BLVRA: variants seen among roughly 807,000 people sequenced by gnomAD.
The protein encoded by BLVRA is biliverdin reductase A, also known as BVR A.
A neutral mutation model predicts 32.8 loss-of-function variants in BLVRA; 22 were observed. The ratio of observed to expected loss-of-function variants is 0.67; its 90% CI spans 0.48 to 0.96. BLVRA has a LOEUF of 0.96. BLVRA is among the 40% of genes least tolerant of loss of function. The pLI, the probability that BLVRA is intolerant of heterozygous loss-of-function variation, is 0.00. For synonymous variants in BLVRA, 119 were observed against 141.3 expected, an observed-to-expected ratio of 0.84 and a Z score of 1.12; for missense variants, 323 against 358.1, an observed-to-expected ratio of 0.90 and a Z score of 0.79.
intron 5 of BLVRA, among the ~76,000 whole-genome samples, chr7:43,793,536 C>A (rs995745343): frequency 2.6e-5 from 4 of 152,156 alleles, no homozygotes; most frequent in Admixed American, 6.5e-5. Context: ...GCCCTGTCAG[C>A]CCAGCACTTT....
At chr7:43,782,309 G>T (rs1460554813) in intron 2 of BLVRA, among the ~76,000 whole-genome samples, 1 of 152,206 alleles carries the variant, frequency 6.6e-6, no homozygotes. Flanking sequence ...CCAGAGGCTG[G>T]CTGGAGGGAG....
At chr7:43,791,604 T>A in intron 4 of BLVRA, 1 of 512,804 alleles carries the variant, frequency 2.0e-6, no homozygotes, top group Non-Finnish European at 3.5e-6. Context: ...TTTGAAACAT[T>A]AGAAACATTC....
chr7:43,775,926 G>C (rs1270197161), intron 2 of BLVRA, among the ~76,000 whole-genome samples: 7 of 151,916 alleles, frequency 4.6e-5, no homozygotes, highest in African/African-American at 1.7e-4. Flanking sequence ...GTTTATTTGC[G>C]TAGAGGTGTT....
chr7:43,793,079 T>C (rs559055183), intron 5 of BLVRA, among the ~76,000 whole-genome samples: 1 of 152,352 alleles, frequency 6.6e-6, no homozygotes, highest in African/African-American at 2.4e-5. Context: ...CCTATGCTTA[T>C]GTCATGATAT....
At chr7:43,803,643 C>G in intron 6 of BLVRA, 33 bp from the exon 7 acceptor site, 2 of 1,435,458 alleles carry the variant, frequency 1.4e-6, no homozygotes, top group African/African-American at 2.9e-5. Flanking sequence ...ATTCCTGCTT[C>G]CCAGTTCCCA....
chr7:43,789,698 G>A (rs2095783081), intron 3 of BLVRA, among the ~76,000 whole-genome samples: 1 of 152,130 alleles, frequency 6.6e-6, no homozygotes, highest in Non-Finnish European at 1.5e-5. Flanking sequence ...CTGCATGACA[G>A]CCCTGCCAGT....
At chr7:43,777,654 G>C (rs1197362013) in intron 2 of BLVRA, among the ~76,000 whole-genome samples, 1 of 152,056 alleles carries the variant, frequency 6.6e-6, no homozygotes, top group Non-Finnish European at 1.5e-5. Flanking sequence ...TATCTTTGTG[G>C]TGTTCTCTGT....
intron 6 of BLVRA, among the ~76,000 whole-genome samples, chr7:43,803,309 TTGTGTGTGTG>T (rs34404101): frequency 1.3e-5 from 2 of 149,148 alleles, no homozygotes; most frequent in Admixed American, 1.4e-4. Context: ...TAGGTATGTG[TTGTGTGTGTG>T]TGTGTGTGTA....
At chr7:43,769,240 A>T (rs913340717) in intron 1 of BLVRA, among the ~76,000 whole-genome samples, 3 of 151,934 alleles carry the variant, frequency 2.0e-5, no homozygotes, top group Non-Finnish European at 4.4e-5. Context: ...ATGTTGCCCA[A>T]GCTGGTCTCG....
chr7:43,777,638 G>A (rs1294690541), intron 2 of BLVRA, among the ~76,000 whole-genome samples: 7 of 152,008 alleles, frequency 4.6e-5, no homozygotes, highest in Non-Finnish European at 5.9e-5. Context: ...TGCTTTTCTC[G>A]AGGAGTATCT....
At chr7:43,790,657 T>G (rs563156984) in intron 3 of BLVRA, among the ~76,000 whole-genome samples, 1 of 152,194 alleles carries the variant, frequency 6.6e-6, no homozygotes, top group South Asian at 2.1e-4. Flanking sequence ...GAGATAAAAG[T>G]AGATTGTTCC....
intron 6 of BLVRA, among the ~76,000 whole-genome samples, chr7:43,803,286 ATATATG>A (rs1268117432): frequency 6.9e-6 from 1 of 145,140 alleles, no homozygotes; most frequent in East Asian, 2.0e-4. Context: ...GAGGATATAT[ATATATG>A]TATATGTAGG....
chr7:43,803,072 T>C (rs2095800486), intron 6 of BLVRA, among the ~76,000 whole-genome samples: 1 of 152,188 alleles, frequency 6.6e-6, no homozygotes, highest in African/African-American at 2.4e-5. Context: ...TTCACAAGAT[T>C]AGGAAGACTA....
At chr7:43,797,142 A>AC (rs2095793712) in intron 5 of BLVRA, among the ~76,000 whole-genome samples, 1 of 152,150 alleles carries the variant, frequency 6.6e-6, no homozygotes, top group Non-Finnish European at 1.5e-5. Context: ...TCGCCCTGTT[A>AC]CCTAGGCTTG....
At chr7:43,805,204 G>A (rs1021602930) in intron 7 of BLVRA, among the ~76,000 whole-genome samples, 9 of 152,154 alleles carry the variant, frequency 5.9e-5, no homozygotes, top group African/African-American at 1.4e-4. Context: ...GGGAGGCGGT[G>A]CCTTGTTTGG....
intron 5 of BLVRA, among the ~76,000 whole-genome samples, chr7:43,795,810 GA>G (rs1298452301): frequency 6.6e-6 from 1 of 151,470 alleles, no homozygotes; most frequent in African/African-American, 2.4e-5. Context: ...AGCAGATTAA[GA>G]AAAAAAAGAG....
Position 43,792,707 on chromosome 7 carries a change from T to C in BLVRA, c.255-8T>C, listed in dbSNP as rs1376161809. On this transcript the variant is annotated splice_polypyrimidine_tract_variant and splice_region_variant and intron_variant, in intron 4 of 7. Coordinates refer to ENST00000265523, the MANE Select transcript of BLVRA (RefSeq NM_000712.4). ...GTTCTTTCTCTGTATTTGTCTCGTT[T>C]ACCAAAGGCAGTTCCTTAATGCTGG... 6.2e-7 allele frequency: 1 copy of C among 1,613,354 alleles called. No homozygotes were observed. The highest frequency in any genetic ancestry group is 2.2e-5 in the East Asian group (1 of 44,858).
chr7:43,805,063 T>C (rs1243876044), intron 7 of BLVRA, among the ~76,000 whole-genome samples: 6 of 152,090 alleles, frequency 3.9e-5, no homozygotes, highest in Non-Finnish European at 8.8e-5. Flanking sequence ...ATGTGAGTGT[T>C]AGGATTGCAG....
At chr7:43,767,521 C>T in intron 1 of BLVRA, 2 of 1,172,442 alleles carry the variant, frequency 1.7e-6, no homozygotes, top group Non-Finnish European at 2.5e-6. Context: ...TGGTCACCGG[C>T]CATGTGGTGC....
Sources: allele counts gnomAD v4.1 joint callset (sites outside exome capture counted in the v4.1 genomes callset), GRCh38; gene constraint gnomAD v4.1.1; transcripts MANE v1.5; gene names NCBI Gene and HGNC (gene_info 2026-07-23, HGNC 2026-07-21).